The following KLHL32 variants were observed in gnomAD, a reference collection of about 807,000 sequenced individuals.
KLHL32 encodes kelch like family member 32.
In KLHL32, 35 loss-of-function variants were observed where a neutral mutation model predicts 64.8. That is an observed-to-expected ratio of 0.54 (90% confidence interval 0.41 to 0.72). KLHL32 has a LOEUF of 0.72. KLHL32 is among the 30% of genes least tolerant of loss of function. The probability of loss-of-function intolerance (pLI) is 0.00; values close to 1 mark genes in which losing one functional copy is unlikely to be tolerated. For synonymous variants in KLHL32, 259 were observed against 281.0 expected (o/e 0.92, Z 0.78); for missense variants, 589 against 768.5 (o/e 0.77, Z 2.76).
At chr6:96,961,426 G>A (rs1017508119) in intron 1 of KLHL32, among the ~76,000 whole-genome samples, 2 of 152,130 alleles carry the variant, frequency 1.3e-5, no homozygotes, top group Non-Finnish European at 2.9e-5. Flanking sequence ...AACTTACCTT[G>A]TCTGGTCCTT....
chr6:96,903,239 A>T, the KLHL32 span, among the ~76,000 whole-genome samples: 2 of 151,542 alleles, frequency 1.3e-5, no homozygotes, highest in African/African-American at 2.4e-5. Context: ...ATATGGAGAC[A>T]TTTTTTTAAA....
At chr6:97,004,316 C>A (rs923205552) in intron 3 of KLHL32, among the ~76,000 whole-genome samples, 2 of 152,132 alleles carry the variant, frequency 1.3e-5, no homozygotes, top group African/African-American at 4.8e-5. Flanking sequence ...GATTTTTGTA[C>A]ACTGATTTTG....
At chr6:97,088,755 C>G (rs1030009582) in intron 6 of KLHL32, among the ~76,000 whole-genome samples, 4 of 152,026 alleles carry the variant, frequency 2.6e-5, no homozygotes, top group African/African-American at 9.7e-5. Flanking sequence ...AATAAATAAG[C>G]CAAAACATGG....
intron 6 of KLHL32, among the ~76,000 whole-genome samples, chr6:97,086,349 T>C (rs1793411212): frequency 6.6e-6 from 1 of 152,262 alleles, no homozygotes; most frequent in Non-Finnish European, 1.5e-5. Context: ...GATGCCTTTC[T>C]GCCTTATTTC....
rs113942027 is a variant in KLHL32, at chr6:96,974,163, T to G, written c.24-1834T>G. Among the ~76,000 whole-genome samples, 313 of 152,288 alleles carry G rather than the reference T, an allele frequency of 2.1e-3. 2 individuals are homozygous for G. The highest frequency in any genetic ancestry group is 6.9e-3 in the African/African-American group (285 of 41,576). On this transcript the variant is annotated intron_variant, in intron 2 of 10. Transcript: ENST00000369261. ...TAATAATAGTACCTGCCTCATGGTGTTGTTGTGCAGATTACATGAACTAGT... is the reference window on the plus strand; with the variant it reads ...TAATAATAGTACCTGCCTCATGGTGGTGTTGTGCAGATTACATGAACTAGT...
intron 6 of KLHL32, among the ~76,000 whole-genome samples, chr6:97,093,440 A>G (rs1794546410): frequency 6.6e-6 from 1 of 152,220 alleles, no homozygotes; most frequent in Non-Finnish European, 1.5e-5. Flanking sequence ...ACTTCACAGT[A>G]TAGATTTCAA....
intron 1 of KLHL32, among the ~76,000 whole-genome samples, chr6:96,926,423 A>G (rs1276243504): frequency 6.6e-6 from 1 of 152,238 alleles, no homozygotes; most frequent in Non-Finnish European, 1.5e-5. Flanking sequence ...TACAGTGTAG[A>G]AAGCACTTTT....
rs1487073858 is a variant in KLHL32, at chr6:97,140,138, G to A, written c.*856G>A. The stretch of plus-strand genomic sequence containing the variant: ...TTTGGAAACATGTTGTGGAATAAAT[G>A]ATTCTAAAAAGCATGTGAAAGAGAC... On this transcript the variant is annotated 3_prime_UTR_variant, in exon 11 of 11. Coordinates refer to ENST00000369261, the MANE Select transcript of KLHL32 (RefSeq NM_052904.4). 1 of 152,056 alleles carries A rather than the reference G, an allele frequency of 6.6e-6. No homozygotes were observed. The highest frequency in any genetic ancestry group is 1.5e-5 in the Non-Finnish European group (1 of 67,954). 9.4% of individuals were successfully genotyped at this position (152,056 alleles called of 1,614,324 possible). A position where few individuals can be genotyped will look rare whatever the true frequency, so the allele number is the denominator to read the frequency against.
intron 3 of KLHL32, among the ~76,000 whole-genome samples, chr6:97,019,913 G>A (rs1283202461): frequency 6.6e-6 from 1 of 150,524 alleles, no homozygotes; most frequent in Non-Finnish European, 1.5e-5. Context: ...CCAAGTAGCT[G>A]GAACTACAGG....
intron 3 of KLHL32, among the ~76,000 whole-genome samples, chr6:97,026,335 G>A (rs1009975293): frequency 2.6e-5 from 4 of 151,608 alleles, no homozygotes; most frequent in Non-Finnish European, 5.9e-5. Context: ...TCATGTCACT[G>A]TACCCTAGCC....
At chr6:97,091,981 C>CTTTTTTTTTT (rs11340950) in intron 6 of KLHL32, among the ~76,000 whole-genome samples, 16 of 132,372 alleles carry the variant, frequency 1.2e-4, no homozygotes, top group Non-Finnish European at 1.3e-4. Context: ...CTCTTTCTTT[C>CTTTTTTTTTT]TTTTTTTTTT....
At chr6:97,024,728 T>C (rs1262022122) in intron 3 of KLHL32, among the ~76,000 whole-genome samples, 1 of 152,212 alleles carries the variant, frequency 6.6e-6, no homozygotes, top group Non-Finnish European at 1.5e-5. Context: ...CTACATTTTA[T>C]TCTTTTATTT....
At chr6:97,003,474 G>A (rs1779290660) in intron 3 of KLHL32, among the ~76,000 whole-genome samples, 1 of 151,938 alleles carries the variant, frequency 6.6e-6, no homozygotes, top group Non-Finnish European at 1.5e-5. Context: ...AGTTTCTTTT[G>A]CTATGCAGAA....
intron 5 of KLHL32, among the ~76,000 whole-genome samples, chr6:97,080,685 G>A (rs2128173551): frequency 6.6e-6 from 1 of 152,342 alleles, no homozygotes; most frequent in African/African-American, 2.4e-5. Context: ...ACCTGGCATT[G>A]TTCTAGGCTC....
chr6:96,917,122 G>T, the KLHL32 span, among the ~76,000 whole-genome samples: 10 of 152,176 alleles, frequency 6.6e-5, no homozygotes, highest in African/African-American at 2.4e-4. Context: ...TATTAGCCAA[G>T]ATTCTTATGT....
chr6:96,971,612 C>A (rs112563122), intron 2 of KLHL32, among the ~76,000 whole-genome samples: 1,681 of 152,084 alleles, frequency 0.011, 15 homozygotes, highest in Non-Finnish European at 0.013. Context: ...TCTTACTGTT[C>A]AGGGAGTCTG....
chr6:96,965,183 T>C (rs900217758), intron 1 of KLHL32, among the ~76,000 whole-genome samples: 2 of 152,220 alleles, frequency 1.3e-5, no homozygotes, highest in Non-Finnish European at 2.9e-5. Context: ...ATTTTCTTCT[T>C]TTTTACAGCT....
At position 96,992,741 on chromosome 6, in the gene KLHL32, T is replaced by C. The variant is rs181741963; in HGVS notation, c.204+16564T>C. ...GGTTATGCACAAAGAGTGCCTCCTT[T>C]GTAATACCTATATTATAAAGCCTCT... On this transcript the variant is annotated intron_variant, in intron 3 of 10. Coordinates refer to ENST00000369261, the MANE Select transcript of KLHL32 (RefSeq NM_052904.4). 9.4e-4 allele frequency among the ~76,000 whole-genome samples: 143 copies of C among 152,356 alleles called. 2 individuals carry two copies. Among genetic ancestry groups the C allele is most frequent in the African/African-American group, 3.3e-3 (136 of 41,578 alleles).
chr6:97,131,641 C>A (rs930513574), intron 9 of KLHL32, among the ~76,000 whole-genome samples: 13 of 152,292 alleles, frequency 8.5e-5, no homozygotes, highest in African/African-American at 3.1e-4. Flanking sequence ...AGATCCCTTC[C>A]ATGTCTGCTC....
Sources: gnomAD v4.1 joint callset for allele counts (sites outside exome capture counted in the v4.1 genomes callset) on GRCh38, gnomAD v4.1.1 for gene constraint, MANE v1.5 for transcripts, NCBI Gene and HGNC (gene_info 2026-07-23, HGNC 2026-07-21) for gene names.